LRFN2: variants seen among roughly 807,000 people sequenced by gnomAD.
LRFN2 encodes leucine rich repeat and fibronectin type III domain containing 2, also known as leucine-rich repeat and fibronectin type-III domain-containing protein 2.
A neutral mutation model predicts 37.3 loss-of-function variants in LRFN2; 18 were observed. The observed-to-expected ratio is 0.48, with a 90% CI of 0.33 to 0.72. The LOEUF is 0.72. Among genes scored for constraint, LRFN2 ranks in the 30% least tolerant of loss-of-function variants. The probability of loss-of-function intolerance (pLI) is 0.02; values close to 1 mark genes in which losing one functional copy is unlikely to be tolerated. For synonymous variants in LRFN2, 556 were observed against 466.6 expected (o/e 1.19, Z -2.47); for missense variants, 1,006 against 1,060.7 (o/e 0.95, Z 0.72).
chr6:40,475,726 G>C (rs1159793816), intron 1 of LRFN2, among the ~76,000 whole-genome samples: 1 of 152,054 alleles, frequency 6.6e-6, no homozygotes, highest in African/African-American at 2.4e-5. Context: ...ATTCCACCTT[G>C]TACAATTCCA....
At chr6:40,453,387 A>C (rs1254396288) in intron 1 of LRFN2, among the ~76,000 whole-genome samples, 3 of 151,650 alleles carry the variant, frequency 2.0e-5, no homozygotes, top group Admixed American at 2.0e-4. Flanking sequence ...AGCTTTAAGG[A>C]TCCTAAGCAT....
chr6:40,433,211 CCCTCACTG>C, intron 1 of LRFN2, 80 bp from the exon 2 acceptor site: 2 of 1,226,554 alleles, frequency 1.6e-6, no homozygotes, highest in South Asian at 3.3e-5. Context: ...CTCACATTAA[CCCTCACTG>C]CCTTAGGGAG....
intron 2 of LRFN2, among the ~76,000 whole-genome samples, chr6:40,393,126 G>A (rs1417705562): frequency 6.6e-6 from 1 of 151,026 alleles, no homozygotes; most frequent in Non-Finnish European, 1.5e-5. Flanking sequence ...GAGAGACAGA[G>A]GAGAGGGGAG....
At chr6:40,577,867 A>T (rs545460772) in intron 1 of LRFN2, among the ~76,000 whole-genome samples, 1 of 151,766 alleles carries the variant, frequency 6.6e-6, no homozygotes, top group Non-Finnish European at 1.5e-5. Flanking sequence ...TCCCTTTCCC[A>T]CCACTAGGAG....
At chr6:40,414,079 C>T (rs1250447801) in intron 2 of LRFN2, among the ~76,000 whole-genome samples, 1 of 152,238 alleles carries the variant, frequency 6.6e-6, no homozygotes, top group African/African-American at 2.4e-5. Context: ...GGCAGGAGCT[C>T]TTTGGAGCAC....
At position 40,540,766 on chromosome 6, in the gene LRFN2, G is replaced by A. The variant is rs558428871; in HGVS notation, c.-19+46175C>T. Among the ~76,000 whole-genome samples, 9 of 152,252 alleles carry A rather than the reference G, an allele frequency of 5.9e-5. No individual in the cohort carries two copies. The South Asian group carries it at 1.9e-3, about 32-fold the overall frequency. On this transcript the variant is annotated intron_variant, in intron 1 of 2. Coordinates refer to ENST00000338305, the MANE Select transcript of LRFN2 (RefSeq NM_020737.3). ...GCGGTGGGGCAAGCACCCTGTCCTG[G>A]GGACACACACACCACGGCCCCCAGA... is the stretch of plus-strand genomic sequence containing the variant.
At chr6:40,439,219 G>A (rs1004954912) in intron 1 of LRFN2, among the ~76,000 whole-genome samples, 65 of 152,288 alleles carry the variant, frequency 4.3e-4, no homozygotes, top group African/African-American at 9.6e-5. Context: ...GGAGCCGCCC[G>A]CCCCTAGAGC....
At chr6:40,473,774 T>A (rs1415010117) in intron 1 of LRFN2, among the ~76,000 whole-genome samples, 1 of 152,152 alleles carries the variant, frequency 6.6e-6, no homozygotes, top group Non-Finnish European at 1.5e-5. Context: ...ATGATGTTCC[T>A]GTCCCTGTAT....
At position 40,392,645 on chromosome 6, in the gene LRFN2, G is replaced by A; in HGVS notation, c.1668C>T (p.Arg556=). ...LLVFIVILMV[R]YKVCNHEAPS... is the part of the protein sequence containing the mutation. ...GGGCCTCGTGGTTGCAGACCTTGTA[G>A]CGCACCATGAGGATGACGATGAAGA... The change falls in exon 3 of 3, where the codon CGC becomes CGT. Residue 556 remains arginine (R), a synonymous_variant. Coordinates refer to ENST00000338305, the MANE Select transcript of LRFN2 (RefSeq NM_020737.3). This position sits in a 1 kb window ranked among gnomAD's most constrained non-coding sequence, Gnocchi z 4.7. The A allele has an allele frequency of 1.2e-6, 2 of 1,612,692 alleles. No individual in the cohort carries two copies. The highest frequency in any genetic ancestry group is 1.7e-6 in the Non-Finnish European group (2 of 1,180,038).
intron 1 of LRFN2, among the ~76,000 whole-genome samples, chr6:40,487,695 G>C (rs1051052138): frequency 2.0e-5 from 3 of 152,356 alleles, no homozygotes; most frequent in African/African-American, 7.2e-5. Context: ...ATCCAAGGAT[G>C]GGATGGCTAG....
chr6:40,462,789 C>G (rs1018495371), intron 1 of LRFN2, among the ~76,000 whole-genome samples: 1 of 152,218 alleles, frequency 6.6e-6, no homozygotes, highest in South Asian at 2.1e-4. Context: ...GAAGCCAGGT[C>G]AGTCTGGCCA....
intron 1 of LRFN2, among the ~76,000 whole-genome samples, chr6:40,460,365 G>A (rs758462270): frequency 3.3e-5 from 5 of 152,084 alleles, no homozygotes; most frequent in South Asian, 2.1e-4. Context: ...TCCCAGACCC[G>A]GATTTGCATG....
intron 2 of LRFN2, among the ~76,000 whole-genome samples, chr6:40,422,679 C>A (rs749686698): frequency 5.9e-5 from 9 of 152,164 alleles, no homozygotes; most frequent in Non-Finnish European, 1.0e-4. Flanking sequence ...TGATGGCCAC[C>A]ACTACAGCAT....
At chr6:40,501,382 A>G (rs551704714) in intron 1 of LRFN2, among the ~76,000 whole-genome samples, 1 of 151,996 alleles carries the variant, frequency 6.6e-6, no homozygotes, top group Non-Finnish European at 1.5e-5. Flanking sequence ...GTGCAGTGGC[A>G]TACTCATAGC....
At chr6:40,504,513 A>T (rs937991184) in intron 1 of LRFN2, among the ~76,000 whole-genome samples, 2 of 152,182 alleles carry the variant, frequency 1.3e-5, no homozygotes, top group Non-Finnish European at 2.9e-5. Context: ...ATGACTCATT[A>T]TGAGGGTGGG....
chr6:40,417,320 C>T (rs1392786016), intron 2 of LRFN2, among the ~76,000 whole-genome samples: 3 of 152,116 alleles, frequency 2.0e-5, no homozygotes, highest in East Asian at 1.9e-4. Context: ...CTCAGTGCCT[C>T]GGCAGCCTCC....
chr6:40,568,053 T>C (rs1197780660), intron 1 of LRFN2, among the ~76,000 whole-genome samples: 1 of 152,148 alleles, frequency 6.6e-6, no homozygotes, highest in Non-Finnish European at 1.5e-5. Context: ...CGGTCTACAG[T>C]TTCCCCCTTC....
chr6:40,410,938 C>T (rs1367202647), intron 2 of LRFN2, among the ~76,000 whole-genome samples: 4 of 152,226 alleles, frequency 2.6e-5, no homozygotes, highest in Admixed American at 1.3e-4. Context: ...CTTCCTCTGT[C>T]CTGCCCCAAG....
At chr6:40,411,357 G>A (rs1033185607) in intron 2 of LRFN2, among the ~76,000 whole-genome samples, 9 of 152,232 alleles carry the variant, frequency 5.9e-5, no homozygotes, top group Non-Finnish European at 7.3e-5. Context: ...GTTGGCCAGT[G>A]TGTGCGTGTA....
Sources: allele counts gnomAD v4.1 joint callset (sites outside exome capture counted in the v4.1 genomes callset), GRCh38; gene constraint gnomAD v4.1.1; non-coding constraint Gnocchi (gnomAD v3.1); transcripts MANE v1.5; gene names NCBI Gene and HGNC (gene_info 2026-07-23, HGNC 2026-07-21).